Variants in STAG1 observed in about 807,000 individuals in gnomAD.
The protein encoded by STAG1 is cohesin subunit SA-1.
A neutral mutation model predicts 170.9 loss-of-function variants in STAG1; 26 were observed. The ratio of observed to expected loss-of-function variants is 0.15; its 90% CI spans 0.11 to 0.21. The LOEUF is 0.21. Ranked by LOEUF, STAG1 falls within the 10% of genes least tolerant of loss-of-function variation. The pLI is 1.00. For synonymous variants in STAG1, 514 were observed against 497.7 expected (o/e 1.03, Z -0.44); for missense variants, 964 against 1,509.5 (o/e 0.64, Z 5.99).
At chr3:136,587,190 T>C (rs868628590) in intron 4 of STAG1, among the ~76,000 whole-genome samples, 2 of 151,856 alleles carry the variant, frequency 1.3e-5, no homozygotes, top group Middle Eastern at 3.2e-3. Flanking sequence ...ACAACTTCAC[T>C]CTTAAGCAAA....
intron 1 of STAG1, among the ~76,000 whole-genome samples, chr3:136,631,294 G>T (rs1049787169): frequency 9.2e-5 from 14 of 152,202 alleles, no homozygotes; most frequent in Non-Finnish European, 1.9e-4. Flanking sequence ...ATTAAGTAAA[G>T]AAGCCAATCT....
At chr3:136,429,109 C>G (rs939965084) in intron 16 of STAG1, among the ~76,000 whole-genome samples, 3 of 151,908 alleles carry the variant, frequency 2.0e-5, no homozygotes, top group East Asian at 3.9e-4. Context: ...TGCACTCCAG[C>G]CTGGAACAGA....
chr3:136,604,215 A>G (rs2107808165), intron 4 of STAG1, 94 bp downstream of exon 4: 4 of 1,130,010 alleles, frequency 3.5e-6, no homozygotes, highest in Non-Finnish European at 4.9e-6. Context: ...CATAATCAAC[A>G]GAAGTATATA....
At chr3:136,494,241 A>AG in intron 9 of STAG1, among the ~76,000 whole-genome samples, 1 of 152,338 alleles carries the variant, frequency 6.6e-6, no homozygotes. Context: ...ACTGCACTCC[A>AG]GGCAGGGTGA....
intron 3 of STAG1, among the ~76,000 whole-genome samples, chr3:136,611,242 T>G (rs111669862): frequency 4.6e-5 from 7 of 151,758 alleles, no homozygotes; most frequent in African/African-American, 1.5e-4. Context: ...CTCCGCCTCC[T>G]GGGTTCGAGC....
At chr3:136,377,609 T>C in intron 23 of STAG1, 51 bp downstream of exon 23, 1 of 1,441,392 alleles carries the variant, frequency 6.9e-7, no homozygotes, top group Non-Finnish European at 9.7e-7. Flanking sequence ...TTAATGTTCA[T>C]TAATGTATTT....
chr3:136,744,314 C>T (rs1004169216), intron 1 of STAG1, among the ~76,000 whole-genome samples: 2 of 151,988 alleles, frequency 1.3e-5, no homozygotes, highest in East Asian at 1.9e-4. Context: ...GCAACAAGGG[C>T]GAAACTCCGT....
intron 7 of STAG1, among the ~76,000 whole-genome samples, chr3:136,515,162 C>T (rs1358327371): frequency 6.6e-6 from 1 of 152,008 alleles, no homozygotes; most frequent in Non-Finnish European, 1.5e-5. Context: ...GTGAGGAGTT[C>T]GAGACTAGCC....
At chr3:136,742,489 G>A (rs745416293) in intron 1 of STAG1, among the ~76,000 whole-genome samples, 13 of 152,020 alleles carry the variant, frequency 8.6e-5, no homozygotes, top group African/African-American at 1.9e-4. Flanking sequence ...TGAGGCAGGC[G>A]GATCCTTGAA....
At chr3:136,370,749 C>G (rs533026608) in intron 23 of STAG1, among the ~76,000 whole-genome samples, 225 of 152,286 alleles carry the variant, frequency 1.5e-3, no homozygotes, top group Non-Finnish European at 2.4e-3. Flanking sequence ...TTTTCTTAAT[C>G]TGGTCTATCA....
intron 5 of STAG1, among the ~76,000 whole-genome samples, chr3:136,553,802 A>T (rs1439066084): frequency 6.6e-6 from 1 of 152,222 alleles, no homozygotes; most frequent in Non-Finnish European, 1.5e-5. Flanking sequence ...AGTAGAGAAA[A>T]GAAAGACAAA....
rs1410648147 is a variant in STAG1 at position 136,359,115 on chromosome 3, G to T, written c.2936+33C>A. The T allele has an allele frequency of 9.8e-6, 15 of 1,536,558 alleles. No individual in the cohort carries two copies. The Admixed American group carries it at 2.9e-4, about 30-fold the overall frequency. ...ATTTCATTAAAATTCAAGTAAATCA[G>T]ATTCTGCATAACAAAGTGTTTATCT... On this transcript the variant is annotated intron_variant, in intron 27 of 33. Coordinates refer to ENST00000383202, the MANE Select transcript of STAG1 (RefSeq NM_005862.3).
Position 136,357,811 on chromosome 3 carries a change from T to C in STAG1, c.2974A>G (p.Lys992Glu). 1 of 1,600,652 alleles carries C rather than the reference T, an allele frequency of 6.2e-7. No individual in the cohort carries two copies. The highest frequency in any genetic ancestry group is 1.1e-5 in the South Asian group (1 of 87,326). Reference protein sequence around the residue: ...IEFAFKYQNQKGQEYPPPNLA... With the variant: ...IEFAFKYQNQEGQEYPPPNLA... ...TTAGGAGGTGGATACTCTTGTCCTT[T>C]CTGATTTTGGTATTTAAATGCAAAC... The change falls in exon 28 of 34, where the codon AAA becomes GAA. Residue 992 changes from lysine (K) to glutamate (E), a missense_variant. Lys to Glu is a moderately conservative substitution (Grantham distance 56). Transcript: ENST00000383202.
intron 22 of STAG1, among the ~76,000 whole-genome samples, chr3:136,396,245 T>G (rs1226234514): frequency 7.6e-6 from 1 of 131,378 alleles, no homozygotes; most frequent in Non-Finnish European, 1.6e-5. Flanking sequence ...AGACAGAGTC[T>G]CGCTCTGTCG....
chr3:136,569,632 G>T (rs1056920428), intron 4 of STAG1, among the ~76,000 whole-genome samples: 1 of 151,962 alleles, frequency 6.6e-6, no homozygotes, highest in African/African-American at 2.4e-5. Flanking sequence ...TCCTACAGTT[G>T]ATAAGAAAAC....
At chr3:136,738,003 G>A (rs993809471) in intron 1 of STAG1, among the ~76,000 whole-genome samples, 4 of 152,242 alleles carry the variant, frequency 2.6e-5, no homozygotes, top group South Asian at 4.1e-4. Flanking sequence ...AGGAGGTGGA[G>A]GTTGCAGTGA....
chr3:136,440,179 C>T (rs1001606998), intron 15 of STAG1, among the ~76,000 whole-genome samples: 4 of 151,900 alleles, frequency 2.6e-5, no homozygotes, highest in Admixed American at 6.6e-5. Context: ...ACACTGTCAC[C>T]CAGGCTGAAG....
chr3:136,668,283 T>C (rs1486159966), intron 1 of STAG1, among the ~76,000 whole-genome samples: 1 of 146,990 alleles, frequency 6.8e-6, no homozygotes, highest in African/African-American at 2.5e-5. Flanking sequence ...ATATATATTA[T>C]ACATGATATA....
chr3:136,522,350 A>C (rs571149807), intron 6 of STAG1, among the ~76,000 whole-genome samples: 1 of 152,318 alleles, frequency 6.6e-6, no homozygotes, highest in East Asian at 1.9e-4. Context: ...CAGAGTCAAA[A>C]TCCCAAAAGT....
Sources: allele counts gnomAD v4.1 joint callset (sites outside exome capture counted in the v4.1 genomes callset), GRCh38; gene constraint gnomAD v4.1.1; transcripts MANE v1.5; gene names NCBI Gene and HGNC (gene_info 2026-07-23, HGNC 2026-07-21).